The following ASTN2 variants were observed in gnomAD, a reference collection of about 807,000 sequenced individuals.
The protein encoded by ASTN2 is astrotactin 2.
In ASTN2, 54 loss-of-function variants were observed where a neutral mutation model predicts 139.8. The ratio of observed to expected loss-of-function variants is 0.39; its 90% confidence interval spans 0.31 to 0.48. ASTN2 has a LOEUF of 0.48. Among genes scored for constraint, ASTN2 ranks in the 20% least tolerant of loss-of-function variants. The pLI is 0.95. For missense variants in ASTN2, 1,565 were observed against 1,725.1 expected (o/e 0.91, Z 1.64); for synonymous variants, 756 against 719.5 (o/e 1.05, Z -0.81).
chr9:116,648,247 G>A lies in ASTN2; in HGVS notation c.3072+3281C>T, dbSNP rs530914870. On this transcript the variant is annotated intron_variant, in intron 17 of 22. Coordinates refer to ENST00000313400, the MANE Select transcript of ASTN2 (RefSeq NM_001365068.1). ...GAACTCCTGACCTCATGATCAGCCCGTCTCGGCCTCCCAAAGTGCTAAGAT... is the reference window on the plus strand; with the variant it reads ...GAACTCCTGACCTCATGATCAGCCCATCTCGGCCTCCCAAAGTGCTAAGAT... Among the ~76,000 whole-genome samples the A allele has an allele frequency of 3.3e-5, 5 of 152,096 alleles. No homozygotes were observed. The East Asian group carries it at 5.8e-4, about 18-fold the overall frequency.
chr9:116,985,651 G>A (rs1836655926), intron 7 of ASTN2, among the ~76,000 whole-genome samples: 1 of 152,240 alleles, frequency 6.6e-6, no homozygotes, highest in Admixed American at 6.5e-5. Flanking sequence ...AATCATGGCT[G>A]ATTAAGTATG....
chr9:117,255,430 C>T (rs1367466555), intron 2 of ASTN2, among the ~76,000 whole-genome samples: 1 of 152,118 alleles, frequency 6.6e-6, no homozygotes, highest in Non-Finnish European at 1.5e-5. Flanking sequence ...TGTGTTACAC[C>T]CATTTTACAG....
At chr9:116,510,004 A>T (rs1232920854) in intron 19 of ASTN2, among the ~76,000 whole-genome samples, 1 of 152,114 alleles carries the variant, frequency 6.6e-6, no homozygotes, top group African/African-American at 2.4e-5. Flanking sequence ...GAAGCTCTTT[A>T]ATTTAATTAG....
chr9:116,693,223 A>G (rs192200916), intron 16 of ASTN2, among the ~76,000 whole-genome samples: 3 of 152,318 alleles, frequency 2.0e-5, no homozygotes, highest in Admixed American at 2.0e-4. Context: ...CATAGTCATT[A>G]CAGTACTCTT....
chr9:116,451,941 CTT>C (rs992749829), intron 20 of ASTN2, among the ~76,000 whole-genome samples: 1 of 151,834 alleles, frequency 6.6e-6, no homozygotes, highest in African/African-American at 2.4e-5. Flanking sequence ...CTGTGTTTGC[CTT>C]TCTTTTCTTG....
chr9:116,620,477 T>C (rs1856080496), intron 17 of ASTN2, 34 bp from the exon 18 acceptor site: 2 of 1,613,324 alleles, frequency 1.2e-6, no homozygotes, highest in Admixed American at 1.7e-5. Flanking sequence ...TAGACAATGA[T>C]GACAACAGGG....
chr9:116,908,171 C>T (rs1460251434), intron 10 of ASTN2, among the ~76,000 whole-genome samples: 2 of 152,076 alleles, frequency 1.3e-5, no homozygotes, highest in African/African-American at 4.8e-5. Context: ...TCTAGGTTAA[C>T]AAATTTGAGT....
chr9:116,454,092 C>A (rs1848254804), intron 20 of ASTN2, among the ~76,000 whole-genome samples: 1 of 152,210 alleles, frequency 6.6e-6, no homozygotes, highest in Non-Finnish European at 1.5e-5. Context: ...TAGCGCCAAT[C>A]TTCTGCAAGC....
At chr9:117,334,948 A>C (rs1828834557) in intron 1 of ASTN2, among the ~76,000 whole-genome samples, 1 of 152,128 alleles carries the variant, frequency 6.6e-6, no homozygotes, top group Admixed American at 6.5e-5. Flanking sequence ...CCAGCTACTT[A>C]GGAGGCTGAG....
chr9:116,918,001 G>A (rs1322909159), intron 10 of ASTN2, among the ~76,000 whole-genome samples: 2 of 152,124 alleles, frequency 1.3e-5, no homozygotes, highest in South Asian at 4.1e-4. Flanking sequence ...TCTCATGATA[G>A]TGAATAAGTC....
At chr9:116,634,454 G>T (rs1413147731) in intron 17 of ASTN2, among the ~76,000 whole-genome samples, 1 of 151,792 alleles carries the variant, frequency 6.6e-6, no homozygotes, top group Non-Finnish European at 1.5e-5. Flanking sequence ...GCCGGGCGTG[G>T]TAGCGGGCGC....
chr9:117,114,491 G>C (rs1829329544), intron 4 of ASTN2, among the ~76,000 whole-genome samples: 1 of 152,110 alleles, frequency 6.6e-6, no homozygotes. Context: ...GCTCTGAATT[G>C]TTTTGTATAT....
chr9:117,350,570 GAAAGA>G (rs145671075), intron 1 of ASTN2, among the ~76,000 whole-genome samples: 3,000 of 150,636 alleles, frequency 0.02, 70 homozygotes, highest in Non-Finnish European at 0.027. Context: ...AAAAAGGAAA[GAAAGA>G]AAAGAAAAGA....
intron 10 of ASTN2, among the ~76,000 whole-genome samples, chr9:116,961,739 T>G (rs1380327925): frequency 6.6e-6 from 1 of 152,158 alleles, no homozygotes; most frequent in Non-Finnish European, 1.5e-5. Context: ...GGCAAAACCT[T>G]AGGAAGGGCA....
In ASTN2 at chr9:117,159,759, A is replaced by G. The variant is rs1254873457; in HGVS notation, c.1016-18281T>C. ...ACGTTAAGGAAGTTGGACAACTTGA[A>G]AAACCAGAATTTGCAAGCTGAGATT... is the stretch of plus-strand genomic sequence containing the variant. On this transcript the variant is annotated intron_variant, in intron 3 of 22. Transcript: ENST00000313400. Among the ~76,000 whole-genome samples the G allele has an allele frequency of 2.6e-5, 4 of 152,090 alleles. No homozygotes were observed. The East Asian group carries it at 7.7e-4, about 29-fold the overall frequency.
rs748914838 is a variant in ASTN2 at position 116,964,250 on chromosome 9, TGTGTGTGC to T, written c.1889+10950_1889+10957del. On this transcript the variant is annotated intron_variant, in intron 10 of 22. Transcript: ENST00000313400. ...GTGTGTGTGTGTGTGTGTGTGTGTGTGTGTGTGCGCGCGCGCGCGTGTGTGTTGACTAC... is the reference window on the plus strand; with the variant it reads ...GTGTGTGTGTGTGTGTGTGTGTGTGTGCGCGCGCGCGTGTGTGTTGACTAC... 3.9e-3 allele frequency among the ~76,000 whole-genome samples: 523 copies of T among 134,522 alleles called. 2 individuals are homozygous for T. Among genetic ancestry groups the T allele is most frequent in the East Asian group, 0.023 (108 of 4,780 alleles). The allele number at this position is 134,522 out of a possible 152,430, so 88.3% of individuals were successfully genotyped here.
chr9:116,862,047 C>T, intron 11 of ASTN2, among the ~76,000 whole-genome samples: 1 of 147,302 alleles, frequency 6.8e-6, no homozygotes, highest in East Asian at 2.1e-4. Flanking sequence ...ATTCTAATCA[C>T]TAAAATTTCT....
At chr9:116,488,686 T>C (rs2119088632) in intron 19 of ASTN2, among the ~76,000 whole-genome samples, 1 of 152,294 alleles carries the variant, frequency 6.6e-6, no homozygotes, top group South Asian at 2.1e-4. Flanking sequence ...ATAATCTCAT[T>C]TTTGTAGAAA....
intron 22 of ASTN2, among the ~76,000 whole-genome samples, chr9:116,438,175 T>C (rs1172893205): frequency 6.6e-6 from 1 of 152,230 alleles, no homozygotes; most frequent in African/African-American, 2.4e-5. Context: ...CACCCTGGCC[T>C]AGAATGCTAT....
Sources: allele counts gnomAD v4.1 joint callset (sites outside exome capture counted in the v4.1 genomes callset), GRCh38; gene constraint gnomAD v4.1.1; transcripts MANE v1.5; gene names NCBI Gene and HGNC (gene_info 2026-07-23, HGNC 2026-07-21).